IGF2R: variants seen among roughly 807,000 people sequenced by gnomAD.
IGF2R encodes cation-independent mannose-6-phosphate receptor.
Under a neutral mutation model 270.6 loss-of-function variants are expected in IGF2R, and 91 were observed. The observed-to-expected ratio is 0.34, with a 90% CI of 0.28 to 0.40. The LOEUF (loss-of-function observed/expected upper bound fraction) is 0.40, where lower values mean the gene tolerates loss of function less well. IGF2R is among the 10% of genes least tolerant of loss of function. The probability of loss-of-function intolerance (pLI) is 1.00; values close to 1 mark genes in which losing one functional copy is unlikely to be tolerated. For missense variants in IGF2R, 2,805 were observed against 3,188.3 expected, an observed-to-expected ratio of 0.88 and a Z score of 2.90; for synonymous variants, 1,316 against 1,258.9, an observed-to-expected ratio of 1.05 and a Z score of -0.96.
intron 44 of IGF2R, chr6:160,093,785 G>T: frequency 8.1e-6 from 6 of 742,856 alleles, no homozygotes; most frequent in Non-Finnish European, 1.5e-5. Context: ...TTTGGATAAA[G>T]ATAACAAGAT....
intron 1 of IGF2R, among the ~76,000 whole-genome samples, chr6:159,978,145 T>C (rs1311444243): frequency 6.6e-6 from 1 of 152,150 alleles, no homozygotes; most frequent in Non-Finnish European, 1.5e-5. Flanking sequence ...TCTTCATCTG[T>C]TTCATGATTG....
Position 159,998,908 on chromosome 6 carries a change from A to G in IGF2R, c.289+7585A>G, listed in dbSNP as rs1392511920. The stretch of plus-strand genomic sequence containing the variant: ...AAAAGTAAAATATCTCATTTAATTC[A>G]TTCAACAACCCTTTAAAGTAGGTGA... On this transcript the variant is annotated intron_variant, in intron 2 of 47. Coordinates refer to ENST00000356956, the MANE Select transcript of IGF2R (RefSeq NM_000876.4). This position sits in a 1 kb window ranked among gnomAD's most constrained non-coding sequence, Gnocchi z 4.1. 6.6e-6 allele frequency among the ~76,000 whole-genome samples: 1 copy of G among 152,250 alleles called. No homozygotes were observed. The highest frequency in any genetic ancestry group is 1.5e-5 in the Non-Finnish European group (1 of 68,042).
rs139338831 is a variant in IGF2R at position 160,061,757 on chromosome 6, C to T, written c.3411C>T (p.Ser1137=). ...CCACTTATTCTGTTCTTCCAGGCAG[C>T]GCAGTGGGGTCTTGCTTAGTGTCAG... ...PLPYIPGCQG[S]AVGSCLVSEG... Residue 1137 remains serine (S), a synonymous_variant, in exon 25 of 48, where the codon AGC becomes AGT. Coordinates refer to ENST00000356956, the MANE Select transcript of IGF2R (RefSeq NM_000876.4). 247 of 1,614,094 alleles carry T rather than the reference C, an allele frequency of 1.5e-4. No homozygotes were observed. In the Middle Eastern group the frequency reaches 2.1e-3, roughly 14 times the overall value.
In IGF2R at chr6:160,032,623, C is replaced by T; in HGVS notation, c.955C>T (p.His319Tyr). 6.2e-7 allele frequency: 1 copy of T among 1,614,176 alleles called. No homozygotes were observed. Among genetic ancestry groups the T allele is most frequent in the Non-Finnish European group, 8.5e-7 (1 of 1,180,006 alleles). ...TGAGTGGATTACTGAGTATGCCTGC[C>T]ACAGAGATTACCTGGAAAGTAAAAC... ...EIEWITEYACHRDYLESKTCS... is the reference protein window; with the variant it reads ...EIEWITEYACYRDYLESKTCS... The change falls in exon 8 of 48, where the codon CAC becomes TAC. Residue 319 changes from histidine (H) to tyrosine (Y), a missense_variant. His to Tyr is a moderately conservative substitution (Grantham distance 83). Coordinates refer to ENST00000356956, the MANE Select transcript of IGF2R (RefSeq NM_000876.4).
intron 25 of IGF2R, 86 bp from the exon 26 acceptor site, chr6:160,062,446 A>T: frequency 1.0e-6 from 1 of 979,712 alleles, no homozygotes. Context: ...TGCTGAGATT[A>T]CAGGTGTGAG....
intron 2 of IGF2R, among the ~76,000 whole-genome samples, chr6:160,000,216 G>A (rs548795021): frequency 1.5e-4 from 23 of 152,328 alleles, no homozygotes; most frequent in Admixed American, 1.4e-3. Flanking sequence ...ATTTATGAAG[G>A]AGAGAGGTTG....
chr6:160,048,466 G>A lies in IGF2R; in HGVS notation c.2437G>A (p.Val813Met), dbSNP rs377727413. The A allele has an allele frequency of 1.4e-5, 22 of 1,614,124 alleles. No homozygotes were observed. The highest frequency in any genetic ancestry group is 3.3e-5 in the Admixed American group (2 of 60,016). Residue 813 changes from valine to methionine, a missense_variant, in exon 18 of 48, where the codon GTG (valine) becomes ATG (methionine). Around this residue, in one of 2 missense-constraint regions of IGF2R, gnomAD observed 1,851 missense variants for 2,207.2 expected, o/e 0.84. Coordinates refer to ENST00000356956, the MANE Select transcript of IGF2R (RefSeq NM_000876.4). ...CACGTGGAGGAAATACTACATTAAC[G>A]TGTGTCGGCCTCTGAATCCAGTGCC... ...HVTWRKYYIN[V>M]CRPLNPVPGC... is the part of the protein sequence containing the mutation.
At chr6:160,059,121 T>A (rs1424874777) in intron 22 of IGF2R, 23 bp downstream of exon 22, 1 of 1,604,846 alleles carries the variant, frequency 6.2e-7, no homozygotes, top group Admixed American at 1.7e-5. Context: ...CCATGTTGTT[T>A]TGTAGCTAAA....
chr6:160,105,478 T>C lies in IGF2R; in HGVS notation c.*394T>C. 1 of 161,042 alleles carries C rather than the reference T, an allele frequency of 6.2e-6. No homozygotes were observed. Among genetic ancestry groups the C allele is most frequent in the Admixed American group, 6.2e-5 (1 of 16,144 alleles). The allele number at this position is 161,042 out of a possible 1,614,324, so 10.0% of individuals were successfully genotyped here. ...AATTCTCTCCCCCTATTTATTGACT[T>C]TGACAATTACTCAGGTTTGAGAAAA... On this transcript the variant is annotated 3_prime_UTR_variant, in exon 48 of 48. Coordinates refer to ENST00000356956, the MANE Select transcript of IGF2R (RefSeq NM_000876.4).
chr6:160,021,482 T>C (rs921885328), intron 4 of IGF2R, among the ~76,000 whole-genome samples: 5 of 148,694 alleles, frequency 3.4e-5, no homozygotes, highest in South Asian at 2.2e-4. Context: ...TTAGGAGATA[T>C]ACCTAATGCT....
chr6:160,040,801 G>A lies in IGF2R; in HGVS notation c.1480+77G>A, dbSNP rs1464074283. 9.0e-6 allele frequency: 13 copies of A among 1,438,630 alleles called. No homozygotes were observed. In the South Asian group the frequency reaches 9.2e-5, roughly 10 times the overall value. The allele number at this position is 1,438,630 out of a possible 1,614,324, so 89.1% of individuals were successfully genotyped here. A position where few individuals can be genotyped will look rare whatever the true frequency, so the allele number is the denominator to read the frequency against. On this transcript the variant is annotated intron_variant, in intron 11 of 47. Transcript: ENST00000356956. Reference sequence around the variant, plus strand: ...TTCCCATGAGTACTTTTGGAAATGCGGTTACTATTTTCTTTGTCAGTGGGT... The same window carrying A: ...TTCCCATGAGTACTTTTGGAAATGCAGTTACTATTTTCTTTGTCAGTGGGT...
intron 6 of IGF2R, among the ~76,000 whole-genome samples, chr6:160,028,993 T>G (rs987754271): frequency 1.3e-5 from 2 of 152,182 alleles, no homozygotes; most frequent in African/African-American, 4.8e-5. Flanking sequence ...TTGTTTTTGC[T>G]TTTGTTTTTG....
chr6:160,059,203 TGG>T (rs1778378951), intron 22 of IGF2R, 105 bp downstream of exon 22: 1 of 897,514 alleles, frequency 1.1e-6, no homozygotes, highest in Non-Finnish European at 1.7e-6. Context: ...CCCGCCACCA[TGG>T]GCTGTGCTGT....
intron 1 of IGF2R, among the ~76,000 whole-genome samples, chr6:159,975,653 A>G (rs1306862721): frequency 1.4e-5 from 2 of 140,346 alleles, no homozygotes; most frequent in Non-Finnish European, 1.6e-5. Context: ...ACCAGATGGG[A>G]AAAAAAAACC....
At chr6:159,981,972 C>T (rs1783812843) in intron 1 of IGF2R, among the ~76,000 whole-genome samples, 1 of 152,330 alleles carries the variant, frequency 6.6e-6, no homozygotes, top group South Asian at 2.1e-4. Context: ...TTTGTCGGCC[C>T]TGTATCTTTG....
intron 1 of IGF2R, among the ~76,000 whole-genome samples, chr6:159,987,974 C>T (rs1271483075): frequency 5.9e-5 from 9 of 152,244 alleles, no homozygotes; most frequent in Non-Finnish European, 1.2e-4. Context: ...TTAATAGGCT[C>T]CTCCTTTCCT....
Position 160,105,130 on chromosome 6 carries a change from C to G in IGF2R, c.*46C>G. 1 of 1,422,230 alleles carries G rather than the reference C, an allele frequency of 7.0e-7. No homozygotes were observed. Among genetic ancestry groups the G allele is most frequent in the Non-Finnish European group, 9.4e-7 (1 of 1,068,122 alleles). 88.1% of individuals were successfully genotyped at this position (1,422,230 alleles called of 1,614,324 possible). A position where few individuals can be genotyped will look rare whatever the true frequency, so the allele number is the denominator to read the frequency against. On this transcript the variant is annotated 3_prime_UTR_variant, in exon 48 of 48. Transcript: ENST00000356956. ...AGCACGGAGCCGCGGGACAGCCAAG[C>G]ACCTCCAACCAAATAAGACTTCCAC...
At chr6:160,061,172 G>T (rs1216920251) in intron 23 of IGF2R, among the ~76,000 whole-genome samples, 1 of 152,146 alleles carries the variant, frequency 6.6e-6, no homozygotes, top group Non-Finnish European at 1.5e-5. Context: ...GGCAGTGGGG[G>T]TTTGGCTTTT....
chr6:160,062,786 G>A (rs1778469853), intron 26 of IGF2R, among the ~76,000 whole-genome samples, 167 bp downstream of exon 26: 1 of 151,730 alleles, frequency 6.6e-6, no homozygotes, highest in Non-Finnish European at 1.5e-5. Context: ...TTTTACTGAA[G>A]CATATTGCTA....
Sources: allele counts gnomAD v4.1 joint callset (sites outside exome capture counted in the v4.1 genomes callset), GRCh38; gene constraint gnomAD v4.1.1; regional missense constraint gnomAD v4.1.1; non-coding constraint Gnocchi (gnomAD v3.1); transcripts MANE v1.5; gene names NCBI Gene and HGNC (gene_info 2026-07-23, HGNC 2026-07-21).